Variants in DCDC1 observed in about 807,000 individuals in gnomAD.
The protein encoded by DCDC1 is doublecortin domain containing 1.
DCDC1 carries 200 observed loss-of-function variants against 178.3 expected under a neutral mutation model. The observed-to-expected ratio is 1.12, with a 90% CI of 1.00 to 1.26. The LOEUF is 1.26. Among genes scored for constraint, DCDC1 ranks in the 50% most tolerant of loss-of-function variants. The probability of loss-of-function intolerance (pLI) is 0.00; values close to 1 mark genes in which losing one functional copy is unlikely to be tolerated. For synonymous variants in DCDC1, 690 were observed against 604.8 expected (o/e 1.14, Z -2.07); for missense variants, 1,983 against 1,749.2 (o/e 1.13, Z -2.38).
intron 29 of DCDC1, among the ~76,000 whole-genome samples, chr11:30,908,142 G>GA (rs1443851293): frequency 8.3e-6 from 1 of 120,812 alleles, no homozygotes; most frequent in Non-Finnish European, 2.0e-5. Context: ...TATCATGACT[G>GA]AAAATGGAAA....
chr11:30,915,436 C>T, intron 27 of DCDC1, 75 bp downstream of exon 27: 1 of 1,504,956 alleles, frequency 6.6e-7, no homozygotes, highest in Non-Finnish European at 9.2e-7. Context: ...TCATCTTGTT[C>T]TGTGGGGACC....
intron 15 of DCDC1, among the ~76,000 whole-genome samples, chr11:31,101,409 G>T (rs911607954): frequency 6.6e-6 from 1 of 152,066 alleles, no homozygotes; most frequent in Admixed American, 6.5e-5. Flanking sequence ...AAATTTCTAA[G>T]TGTAAATTGA....
In DCDC1 at chr11:30,900,463, CA is replaced by C. The variant is rs778363218; in HGVS notation, c.4545del (p.Phe1515LeufsTer5). The C allele has an allele frequency of 3.9e-6, 6 of 1,549,064 alleles. 1 individual carries two copies. The Admixed American group carries it at 1.1e-4, about 29-fold the overall frequency. On this transcript the variant is annotated frameshift_variant, in exon 33 of 39. Coordinates refer to ENST00000684477, the MANE Select transcript of DCDC1 (RefSeq NM_001387274.1). LOFTEE classifies it high-confidence loss of function. The part of the protein sequence containing the change: ...NPRMKVKNRL[F>X]AKSVTSDSLD... ...AAACTATCGGATGTCACAGATTTTG[CA>C]AATAATCTGTTTTTCACTTTCATTC...
chr11:31,101,232 T>C (rs1053807413), intron 15 of DCDC1, among the ~76,000 whole-genome samples: 1 of 152,200 alleles, frequency 6.6e-6, no homozygotes, highest in Non-Finnish European at 1.5e-5. Flanking sequence ...TTTGATTTCA[T>C]GTGTTCAAAA....
At chr11:31,022,643 T>TTGTGTGTGTG (rs4067986) in intron 20 of DCDC1, among the ~76,000 whole-genome samples, 2,885 of 120,938 alleles carry the variant, frequency 0.024, 48 homozygotes, top group African/African-American at 0.036. Flanking sequence ...GTCTTTTAGT[T>TTGTGTGTGTG]TGTGTGTGTG....
At chr11:31,028,287 C>A (rs1953381255) in intron 20 of DCDC1, among the ~76,000 whole-genome samples, 1 of 151,738 alleles carries the variant, frequency 6.6e-6, no homozygotes, top group African/African-American at 2.4e-5. Flanking sequence ...TGTATATTAT[C>A]CAAATACTTT....
intron 17 of DCDC1, among the ~76,000 whole-genome samples, chr11:31,086,825 C>A (rs1957509791): frequency 6.6e-6 from 1 of 151,840 alleles, no homozygotes; most frequent in Admixed American, 6.6e-5. Flanking sequence ...TCATTTTTTG[C>A]ACTTATAGTC....
At chr11:30,889,769 AT>A (rs1316391302) in intron 36 of DCDC1, among the ~76,000 whole-genome samples, 8 of 152,170 alleles carry the variant, frequency 5.3e-5, no homozygotes, top group African/African-American at 1.4e-4. Context: ...TTCCCAAAAC[AT>A]TGTTTTCACC....
At chr11:31,309,272 G>A (rs1439185301) in intron 3 of DCDC1, among the ~76,000 whole-genome samples, 1 of 151,922 alleles carries the variant, frequency 6.6e-6, no homozygotes, top group Non-Finnish European at 1.5e-5. Flanking sequence ...ATCCAAGTCT[G>A]CCCTAGACTG....
chr11:30,915,046 A>G (rs1051627729), intron 27 of DCDC1, among the ~76,000 whole-genome samples: 7 of 152,232 alleles, frequency 4.6e-5, no homozygotes, highest in African/African-American at 1.2e-4. Flanking sequence ...GAATTAGTTT[A>G]TACTGCGTGA....
chr11:31,146,860 A>G (rs1964509184), intron 9 of DCDC1, among the ~76,000 whole-genome samples: 2 of 152,166 alleles, frequency 1.3e-5, no homozygotes, highest in Admixed American at 6.5e-5. Context: ...CTTAACTCTC[A>G]GTTACTTCCA....
intron 20 of DCDC1, among the ~76,000 whole-genome samples, chr11:31,022,741 C>T (rs1009889769): frequency 4.7e-5 from 6 of 127,482 alleles, no homozygotes; most frequent in Non-Finnish European, 8.4e-5. Context: ...ATAAATTATT[C>T]GTGTGTGTGT....
rs1445024892 is a variant in DCDC1, at chr11:31,094,287, G to C, written c.1984-103C>G. 1.2e-5 allele frequency: 8 copies of C among 661,080 alleles called. No homozygotes were observed. In the African/African-American group the frequency reaches 1.3e-4, roughly 10 times the overall value. 41.0% of individuals were successfully genotyped at this position (661,080 alleles called of 1,614,324 possible). A position where few individuals can be genotyped will look rare whatever the true frequency, so the allele number is the denominator to read the frequency against. On this transcript the variant is annotated intron_variant, in intron 15 of 38. Coordinates refer to ENST00000684477, the MANE Select transcript of DCDC1 (RefSeq NM_001387274.1). ...GTTATCCTAGAACATTATTTATTCTGATTGATACCTCTTTTCAAAAAGTAG... is the reference window on the plus strand; with the variant it reads ...GTTATCCTAGAACATTATTTATTCTCATTGATACCTCTTTTCAAAAAGTAG...
intron 1 of DCDC1, among the ~76,000 whole-genome samples, chr11:31,367,867 T>G (rs1952043582): frequency 6.6e-6 from 1 of 152,212 alleles, no homozygotes; most frequent in Admixed American, 6.5e-5. Context: ...AAGAAGTTTA[T>G]TTTGGTATAA....
intron 1 of DCDC1, among the ~76,000 whole-genome samples, chr11:31,344,241 T>C (rs936042627): frequency 2.6e-5 from 4 of 152,214 alleles, no homozygotes; most frequent in Non-Finnish European, 5.9e-5. Context: ...ACTATGGTAC[T>C]CTAAAGAATA....
At chr11:31,363,098 T>G (rs1951790873) in intron 1 of DCDC1, among the ~76,000 whole-genome samples, 1 of 152,166 alleles carries the variant, frequency 6.6e-6, no homozygotes, top group South Asian at 2.1e-4. Context: ...CATACAAAAA[T>G]TATATTCAAT....
chr11:31,315,897 T>C (rs1046904505), intron 3 of DCDC1, among the ~76,000 whole-genome samples: 2 of 111,676 alleles, frequency 1.8e-5, no homozygotes, highest in Non-Finnish European at 3.5e-5. Context: ...TGAGTGAGAA[T>C]ATGCGGTGTT....
chr11:31,148,674 T>G (rs1370091275), intron 9 of DCDC1, among the ~76,000 whole-genome samples: 1 of 151,636 alleles, frequency 6.6e-6, no homozygotes, highest in Non-Finnish European at 1.5e-5. Flanking sequence ...TTATGATGGT[T>G]TCTTTTATAC....
chr11:30,963,637 C>T (rs1013657683), intron 20 of DCDC1, among the ~76,000 whole-genome samples: 1 of 152,112 alleles, frequency 6.6e-6, no homozygotes, highest in African/African-American at 2.4e-5. Flanking sequence ...GGACTAACTG[C>T]TTTAGAGCCA....
Sources: allele counts gnomAD v4.1 joint callset (sites outside exome capture counted in the v4.1 genomes callset), GRCh38; gene constraint gnomAD v4.1.1; transcripts MANE v1.5; gene names NCBI Gene and HGNC (gene_info 2026-07-23, HGNC 2026-07-21).